Variants in PRR16 observed in about 807,000 individuals in gnomAD.
PRR16 encodes proline rich 16.
Under a neutral mutation model 18.2 loss-of-function variants are expected in PRR16, and 6 were observed. The ratio of observed to expected loss-of-function variants is 0.33; its 90% CI spans 0.18 to 0.65. PRR16 has a LOEUF of 0.65. Among genes scored for constraint, PRR16 ranks in the 30% least tolerant of loss-of-function variants. PRR16 has a pLI of 0.74. For synonymous variants in PRR16, 151 were observed against 147.8 expected (o/e 1.02, Z -0.16); for missense variants, 412 against 376.6 (o/e 1.09, Z -0.78).
At chr5:120,598,412 T>C (rs934852697) in intron 1 of PRR16, among the ~76,000 whole-genome samples, 2 of 151,898 alleles carry the variant, frequency 1.3e-5, no homozygotes, top group African/African-American at 4.8e-5. Context: ...AGGATGTGAA[T>C]GTGTACTTTT....
At chr5:120,743,202 G>C in the PRR16 span, among the ~76,000 whole-genome samples, 21 of 151,964 alleles carry the variant, frequency 1.4e-4, no homozygotes, top group African/African-American at 5.1e-4. Context: ...TATTTTATGT[G>C]GTCTATTTTC....
chr5:120,750,852 A>G, the PRR16 span, among the ~76,000 whole-genome samples: 1 of 152,176 alleles, frequency 6.6e-6, no homozygotes, highest in Non-Finnish European at 1.5e-5. Context: ...TTTAAAATAC[A>G]CAGTAAATCA....
At chr5:120,497,377 T>C (rs1364824979) in intron 1 of PRR16, among the ~76,000 whole-genome samples, 1 of 147,104 alleles carries the variant, frequency 6.8e-6, no homozygotes, top group Non-Finnish European at 1.5e-5. Context: ...CCTGTTTTGA[T>C]GAACTGATTT....
intron 1 of PRR16, among the ~76,000 whole-genome samples, chr5:120,491,351 T>A (rs1453261014): frequency 6.6e-6 from 1 of 152,194 alleles, no homozygotes; most frequent in East Asian, 1.9e-4. Context: ...ATTTATAATA[T>A]TTCTTAATCA....
intron 1 of PRR16, among the ~76,000 whole-genome samples, chr5:120,596,013 T>C (rs1157168737): frequency 6.6e-6 from 1 of 151,950 alleles, no homozygotes; most frequent in African/African-American, 2.4e-5. Flanking sequence ...ACTTGCAGAA[T>C]GTTCTTATCA....
chr5:120,547,559 A>ATTT (rs569445284), intron 1 of PRR16, among the ~76,000 whole-genome samples: 1 of 145,438 alleles, frequency 6.9e-6, no homozygotes, highest in Non-Finnish European at 1.5e-5. Flanking sequence ...ATGCATTTTC[A>ATTT]TTTTTTTTTT....
At position 120,686,333 on chromosome 5, in the gene PRR16, A is replaced by T. The variant is rs1456585255; in HGVS notation, c.539A>T (p.Asp180Val). The change falls in exon 2 of 2, where the codon GAC becomes GTC. Residue 180 changes from aspartate to valine, a missense_variant. Coordinates refer to ENST00000407149, the MANE Select transcript of PRR16 (RefSeq NM_001300783.2). ...TGCTGCATACCCAACAGTAACTTGG[A>T]CAAGGCTCCAGTCCAGCTTCTGATG... is the stretch of plus-strand genomic sequence containing the variant. ...DICCIPNSNL[D>V]KAPVQLLMHR... The T allele has an allele frequency of 6.2e-7, 1 of 1,614,190 alleles. No homozygotes were observed. The highest frequency in any genetic ancestry group is 8.5e-7 in the Non-Finnish European group (1 of 1,180,022).
the PRR16 span, among the ~76,000 whole-genome samples, chr5:120,740,379 A>T: frequency 2.0e-5 from 3 of 147,912 alleles, no homozygotes; most frequent in African/African-American, 7.9e-5. Context: ...TTATGGCTAA[A>T]AAAGACTACT....
chr5:120,553,541 A>T (rs1752322189), intron 1 of PRR16, among the ~76,000 whole-genome samples: 1 of 151,928 alleles, frequency 6.6e-6, no homozygotes, highest in African/African-American at 2.4e-5. Context: ...AGATCATTAG[A>T]TCATTATAAT....
intron 1 of PRR16, among the ~76,000 whole-genome samples, chr5:120,509,492 A>G (rs186309364): frequency 1.2e-4 from 19 of 152,180 alleles, no homozygotes; most frequent in Admixed American, 1.1e-3. Context: ...TGAGGCGTAA[A>G]TAAGAATGGT....
chr5:120,792,890 G>A, the PRR16 span, among the ~76,000 whole-genome samples: 3 of 150,972 alleles, frequency 2.0e-5, no homozygotes, highest in South Asian at 2.1e-4. Flanking sequence ...GGTGGCTCAC[G>A]CCTGTTAATC....
chr5:120,540,949 A>C (rs1294668550), intron 1 of PRR16, among the ~76,000 whole-genome samples: 1 of 152,202 alleles, frequency 6.6e-6, no homozygotes, highest in Non-Finnish European at 1.5e-5. Context: ...AGCTCTGTTT[A>C]GGCACCTGGA....
the PRR16 span, among the ~76,000 whole-genome samples, chr5:120,694,302 T>TTACC: frequency 6.6e-6 from 1 of 152,220 alleles, no homozygotes; most frequent in Admixed American, 6.5e-5. Context: ...GTAAGCCTAA[T>TTACC]AATTCTCTTA....
At chr5:120,576,253 C>T (rs1451329207) in intron 1 of PRR16, among the ~76,000 whole-genome samples, 1 of 152,044 alleles carries the variant, frequency 6.6e-6, no homozygotes, top group African/African-American at 2.4e-5. Flanking sequence ...GTAAACTCTA[C>T]ATCTGGTAAA....
At chr5:120,775,796 A>ATTTTT in the PRR16 span, among the ~76,000 whole-genome samples, 33 of 80,592 alleles carry the variant, frequency 4.1e-4, no homozygotes, top group Non-Finnish European at 5.6e-4. Flanking sequence ...ACGCCTGGCT[A>ATTTTT]TTTTTTTTTT....
the PRR16 span, among the ~76,000 whole-genome samples, chr5:120,764,651 T>G: frequency 6.7e-6 from 1 of 149,434 alleles, no homozygotes; most frequent in African/African-American, 2.4e-5. Context: ...AAGATTAAAT[T>G]TTATTTTAGT....
At chr5:120,688,034 T>C (rs969387152), downstream of PRR16, among the ~76,000 whole-genome samples, 5 of 152,218 alleles carry the variant, frequency 3.3e-5, no homozygotes, top group Non-Finnish European at 1.5e-5. Context: ...TGGAAATGTA[T>C]TTATGGCATA....
chr5:120,642,724 T>A (rs545107880), intron 1 of PRR16, among the ~76,000 whole-genome samples: 1 of 152,230 alleles, frequency 6.6e-6, no homozygotes, highest in East Asian at 1.9e-4. Context: ...TTCAAACAAC[T>A]GGCTACTCAC....
chr5:120,495,903 C>T (rs1750228407), intron 1 of PRR16, among the ~76,000 whole-genome samples: 1 of 151,602 alleles, frequency 6.6e-6, no homozygotes, highest in Non-Finnish European at 1.5e-5. Flanking sequence ...TGTGTTTATT[C>T]TTTCACTGTT....
Sources: allele counts gnomAD v4.1 joint callset (sites outside exome capture counted in the v4.1 genomes callset), GRCh38; gene constraint gnomAD v4.1.1; transcripts MANE v1.5; gene names NCBI Gene and HGNC (gene_info 2026-07-23, HGNC 2026-07-21).